The following PTBP3 variants were observed in gnomAD, a reference collection of about 807,000 sequenced individuals.
PTBP3 encodes the protein polypyrimidine tract-binding protein 3.
In PTBP3, 20 loss-of-function variants were observed where a neutral mutation model predicts 58.7. That is an observed-to-expected ratio of 0.34 (90% confidence interval 0.24 to 0.50). The LOEUF is 0.50. PTBP3 is among the 20% of genes least tolerant of loss of function. PTBP3 has a pLI of 0.98. For synonymous variants in PTBP3, 185 were observed against 219.8 expected (o/e 0.84, Z 1.40); for missense variants, 509 against 637.2 (o/e 0.80, Z 2.17).
At chr9:112,324,721 T>C (rs1830092115) in intron 1 of PTBP3, among the ~76,000 whole-genome samples, 1 of 151,024 alleles carries the variant, frequency 6.6e-6, no homozygotes. Context: ...AGAAGATAAG[T>C]GAATGCCTAT....
Position 112,231,967 on chromosome 9 carries a change from G to GAGAGAAGAGAAGAGA in PTBP3, c.1020+117_1020+131dup, listed in dbSNP as rs1371273763. ...GAGAAGAGAAGAGAAGAGAAGAGAA[G>GAGAGAAGAGAAGAGA]AGAGAAGAGAAGAGAAGAGAAGAGA... is the stretch of plus-strand genomic sequence containing the variant. On this transcript the variant is annotated intron_variant, in intron 9 of 13. Coordinates refer to ENST00000374257, the MANE Select transcript of PTBP3 (RefSeq NM_001163788.4). 146 of 185,358 alleles carry GAGAGAAGAGAAGAGA rather than the reference G, an allele frequency of 7.9e-4. No individual in the cohort carries two copies. The East Asian group carries it at 0.012, about 15-fold the overall frequency. 11.5% of individuals were successfully genotyped at this position (185,358 alleles called of 1,614,324 possible). A position where few individuals can be genotyped will look rare whatever the true frequency, so the allele number is the denominator to read the frequency against.
intron 7 of PTBP3, among the ~76,000 whole-genome samples, chr9:112,237,779 A>G (rs1265288414): frequency 6.6e-6 from 1 of 152,140 alleles, no homozygotes; most frequent in African/African-American, 2.4e-5. Context: ...ATATAAGCTG[A>G]AAATAACCTA....
chr9:112,298,290 T>C (rs957289009), intron 1 of PTBP3, among the ~76,000 whole-genome samples: 2 of 152,224 alleles, frequency 1.3e-5, no homozygotes, highest in Admixed American at 6.5e-5. Context: ...GAATCCTGAC[T>C]TTTCAATACC....
At chr9:112,312,935 TC>T (rs1231803455) in intron 1 of PTBP3, among the ~76,000 whole-genome samples, 2 of 152,120 alleles carry the variant, frequency 1.3e-5, no homozygotes, top group East Asian at 3.9e-4. Context: ...TCCCAGCTAT[TC>T]AGGAGGCTGA....
At chr9:112,246,181 C>T (rs1335658157) in intron 7 of PTBP3, among the ~76,000 whole-genome samples, 1 of 151,682 alleles carries the variant, frequency 6.6e-6, no homozygotes, top group African/African-American at 2.4e-5. Context: ...CAGGGTTTCA[C>T]CATGTTGGCC....
At chr9:112,235,587 T>C (rs1350091300) in intron 7 of PTBP3, among the ~76,000 whole-genome samples, 1 of 152,088 alleles carries the variant, frequency 6.6e-6, no homozygotes, top group East Asian at 1.9e-4. Flanking sequence ...ATTAATTTGG[T>C]TTGGGGGAAC....
At chr9:112,278,971 A>G (rs939828515) in intron 2 of PTBP3, among the ~76,000 whole-genome samples, 22 of 152,108 alleles carry the variant, frequency 1.4e-4, no homozygotes, top group Non-Finnish European at 3.2e-4. Context: ...AATGACAGTG[A>G]TTTTTTGCAC....
At chr9:112,226,311 C>T (rs2131950736) in intron 12 of PTBP3, among the ~76,000 whole-genome samples, 1 of 152,078 alleles carries the variant, frequency 6.6e-6, no homozygotes, top group African/African-American at 2.4e-5. Flanking sequence ...GCCGGATATT[C>T]AGCATTCTTC....
intron 5 of PTBP3, among the ~76,000 whole-genome samples, chr9:112,261,293 G>A (rs902439526): frequency 6.6e-6 from 1 of 152,174 alleles, no homozygotes; most frequent in African/African-American, 2.4e-5. Flanking sequence ...TATCAAAGGG[G>A]AAACCCAGTA....
intron 7 of PTBP3, among the ~76,000 whole-genome samples, chr9:112,241,052 AGTTAGAAAGTT>A (rs1456954793): frequency 5.9e-5 from 9 of 152,144 alleles, no homozygotes; most frequent in African/African-American, 2.2e-4. Context: ...GAGTTTATGA[AGTTAGAAAGTT>A]GTAGTAAGCT....
At chr9:112,272,604 T>C (rs776605950) in intron 3 of PTBP3, 3 of 152,128 alleles carry the variant, frequency 2.0e-5, no homozygotes. Context: ...GGTCTTGATA[T>C]GTTGCCTGGG....
chr9:112,292,631 A>C (rs1339339434), intron 2 of PTBP3, among the ~76,000 whole-genome samples: 7 of 152,296 alleles, frequency 4.6e-5, no homozygotes, highest in African/African-American at 9.6e-5. Context: ...CTGCAACATA[A>C]ATGAACCTTG....
chr9:112,273,788 A>G (rs1000493409), intron 3 of PTBP3, among the ~76,000 whole-genome samples: 2 of 152,216 alleles, frequency 1.3e-5, no homozygotes, highest in African/African-American at 4.8e-5. Flanking sequence ...TGCCCTGAGA[A>G]AAGTTATCAC....
intron 10 of PTBP3, among the ~76,000 whole-genome samples, chr9:112,229,113 A>T (rs1210868263): frequency 2.6e-5 from 4 of 152,204 alleles, no homozygotes; most frequent in Non-Finnish European, 1.5e-5. Flanking sequence ...ATATAAACCA[A>T]TATTAAAAAA....
At chr9:112,326,347 T>A (rs1330867449) in intron 1 of PTBP3, among the ~76,000 whole-genome samples, 1 of 152,190 alleles carries the variant, frequency 6.6e-6, no homozygotes, top group African/African-American at 2.4e-5. Flanking sequence ...GGCTTTGCAG[T>A]CTCCACTACA....
intron 7 of PTBP3, among the ~76,000 whole-genome samples, chr9:112,249,108 C>T (rs1166610844): frequency 6.6e-6 from 1 of 151,832 alleles, no homozygotes; most frequent in East Asian, 1.9e-4. Context: ...TTTTAAGTTG[C>T]ATTTAGGGAT....
chr9:112,255,164 TCA>T (rs979894782), intron 5 of PTBP3, among the ~76,000 whole-genome samples: 7 of 152,022 alleles, frequency 4.6e-5, no homozygotes, highest in African/African-American at 1.7e-4. Flanking sequence ...GTAGTCAAAC[TCA>T]CAGAGACCGA....
chr9:112,282,647 T>A (rs1341545264), intron 2 of PTBP3, among the ~76,000 whole-genome samples: 5 of 152,182 alleles, frequency 3.3e-5, no homozygotes, highest in Admixed American at 1.3e-4. Context: ...ATTTTTATTT[T>A]TTTTTTTACT....
At position 112,228,312 on chromosome 9, in the gene PTBP3, T is replaced by C. The variant is rs1236852850; in HGVS notation, c.1147+68A>G. The C allele has an allele frequency of 4.4e-6, 5 of 1,148,400 alleles. No individual in the cohort carries two copies. The African/African-American group carries it at 7.9e-5, about 18-fold the overall frequency. 71.1% of individuals were successfully genotyped at this position (1,148,400 alleles called of 1,614,324 possible). A position where few individuals can be genotyped will look rare whatever the true frequency, so the allele number is the denominator to read the frequency against. On this transcript the variant is annotated intron_variant, in intron 11 of 13. Transcript: ENST00000374257. Reference sequence around the variant, plus strand: ...AAATCATATTCCTACTAGCTGTATTTTGAAGGAAAATTCACACACAAAAGG... The same window carrying C: ...AAATCATATTCCTACTAGCTGTATTCTGAAGGAAAATTCACACACAAAAGG...
Sources: allele counts gnomAD v4.1 joint callset (sites outside exome capture counted in the v4.1 genomes callset), GRCh38; gene constraint gnomAD v4.1.1; transcripts MANE v1.5; gene names NCBI Gene and HGNC (gene_info 2026-07-23, HGNC 2026-07-21).